Variants in FHIT observed in about 807,000 individuals in gnomAD.
The protein encoded by FHIT is fragile histidine triad diadenosine triphosphatase.
FHIT carries 19 observed loss-of-function variants against 17.9 expected under a neutral mutation model. The observed-to-expected ratio is 1.06, with a 90% confidence interval of 0.74 to 1.56. FHIT has a LOEUF of 1.56. FHIT is among the 40% of genes most tolerant of loss of function. The pLI is 0.00. For synonymous variants in FHIT, 81 were observed against 69.7 expected (o/e 1.16, Z -0.81); for missense variants, 248 against 189.2 (o/e 1.31, Z -1.82).
intron 4 of FHIT, among the ~76,000 whole-genome samples, chr3:60,613,694 T>C (rs1331533392): frequency 6.6e-6 from 1 of 152,080 alleles, no homozygotes; most frequent in African/African-American, 2.4e-5. Flanking sequence ...TACATTTCCC[T>C]TTTTCTCTCA....
At chr3:60,959,135 T>C (rs1709297746) in intron 3 of FHIT, among the ~76,000 whole-genome samples, 5 of 152,206 alleles carry the variant, frequency 3.3e-5, no homozygotes, top group African/African-American at 1.2e-4. Flanking sequence ...TTTATGATTA[T>C]TTAAAGGCTT....
intron 2 of FHIT, among the ~76,000 whole-genome samples, chr3:61,042,424 T>C (rs1029979395): frequency 6.6e-6 from 1 of 152,034 alleles, no homozygotes; most frequent in Non-Finnish European, 1.5e-5. Context: ...CGGAGGTAAG[T>C]TGGGGTATAA....
rs533721703 is a variant in FHIT, at chr3:61,069,162, G to C, written c.-163-27063C>G. Among the ~76,000 whole-genome samples, 9 of 152,238 alleles carry C rather than the reference G, an allele frequency of 5.9e-5. No individual in the cohort carries two copies. In the East Asian group the frequency reaches 1.3e-3, roughly 23 times the overall value. On this transcript the variant is annotated intron_variant, in intron 2 of 9. Transcript: ENST00000492590. ...GTCTGCTTTAAATCTCCAAGAAGGA[G>C]GGCAGAGTTCTTGAAAATGATAGCC...
chr3:60,658,017 C>G (rs1553690108), intron 4 of FHIT, among the ~76,000 whole-genome samples: 1 of 152,080 alleles, frequency 6.6e-6, no homozygotes, highest in African/African-American at 2.4e-5. Flanking sequence ...CATATTGTTA[C>G]AACCATCACC....
chr3:60,965,666 C>T (rs530366198), intron 3 of FHIT, among the ~76,000 whole-genome samples: 3 of 152,264 alleles, frequency 2.0e-5, no homozygotes, highest in African/African-American at 4.8e-5. Context: ...CAGTCAGGAC[C>T]CTGAGCTGCA....
At chr3:60,151,889 A>T (rs563723569) in intron 5 of FHIT, among the ~76,000 whole-genome samples, 29 of 152,286 alleles carry the variant, frequency 1.9e-4, no homozygotes, top group Non-Finnish European at 3.4e-4. Flanking sequence ...AGCACCTGCA[A>T]CTATATAATT....
chr3:60,842,531 C>T (rs1702756232), intron 3 of FHIT, among the ~76,000 whole-genome samples: 1 of 148,162 alleles, frequency 6.7e-6, no homozygotes, highest in Admixed American at 6.8e-5. Flanking sequence ...TTTAAAACAT[C>T]TTTGATATTC....
rs146620759 is a variant in FHIT, at chr3:60,539,320, C to T, written c.-17-2341G>A. Among the ~76,000 whole-genome samples, 942 of 152,188 alleles carry T rather than the reference C, an allele frequency of 6.2e-3. 10 individuals carry two copies. The highest frequency in any genetic ancestry group is 0.02 in the African/African-American group (826 of 41,524). On this transcript the variant is annotated intron_variant, in intron 4 of 9. Coordinates refer to ENST00000492590, the MANE Select transcript of FHIT (RefSeq NM_002012.4). The stretch of plus-strand genomic sequence containing the variant: ...AGGTGCTGGAGAGGATGTGGAGAAA[C>T]AGGAACACTTTTACACTGTTGCTGG...
rs545779868 is a variant in FHIT at position 60,714,882 on chromosome 3, G to A, written c.-18+107037C>T. Among the ~76,000 whole-genome samples, 22 of 152,320 alleles carry A rather than the reference G, an allele frequency of 1.4e-4. No individual in the cohort carries two copies. The East Asian group carries it at 4.0e-3, about 28-fold the overall frequency. ...GCCCAAGGTAATTTATAGATTCAAT[G>A]TCATCCCCATCAAGCTACCAATGTC... On this transcript the variant is annotated intron_variant, in intron 4 of 9. Coordinates refer to ENST00000492590, the MANE Select transcript of FHIT (RefSeq NM_002012.4).
At position 61,018,474 on chromosome 3, in the gene FHIT, T is replaced by C. The variant is rs116684784; in HGVS notation, c.-111+23573A>G. On this transcript the variant is annotated intron_variant, in intron 3 of 9. Transcript: ENST00000492590. ...TTTTAGTTTCTCTAAACAGTTATTC[T>C]AGTTTTCCTAAGTTTGACCCCAAAA... is the stretch of plus-strand genomic sequence containing the variant. Among the ~76,000 whole-genome samples, 1,434 of 152,332 alleles carry C rather than the reference T, an allele frequency of 9.4e-3. 17 individuals are homozygous for C. Among genetic ancestry groups the C allele is most frequent in the African/African-American group, 0.032 (1,318 of 41,568 alleles).
chr3:60,791,172 C>T (rs1170144002), intron 4 of FHIT, among the ~76,000 whole-genome samples: 5 of 152,002 alleles, frequency 3.3e-5, no homozygotes, highest in African/African-American at 9.7e-5. Flanking sequence ...GGCCCCTTAT[C>T]TTTCACCCCT....
At chr3:60,372,852 T>C (rs962900098) in intron 5 of FHIT, among the ~76,000 whole-genome samples, 1 of 152,178 alleles carries the variant, frequency 6.6e-6, no homozygotes, top group African/African-American at 2.4e-5. Context: ...TTTCTTTTGA[T>C]ATTGAGTTCA....
chr3:60,226,506 T>G (rs554689481), intron 5 of FHIT, among the ~76,000 whole-genome samples: 33 of 135,806 alleles, frequency 2.4e-4, no homozygotes, highest in African/African-American at 9.1e-4. Flanking sequence ...ACTGCCTGCC[T>G]GCACTATACT....
intron 5 of FHIT, among the ~76,000 whole-genome samples, chr3:60,389,200 C>A (rs1011146195): frequency 4.6e-5 from 7 of 152,104 alleles, no homozygotes; most frequent in Non-Finnish European, 8.8e-5. Flanking sequence ...CAGGCTTTAT[C>A]CCAGACTTGT....
intron 4 of FHIT, among the ~76,000 whole-genome samples, chr3:60,800,417 A>G (rs782532432): frequency 1.2e-4 from 19 of 152,146 alleles, no homozygotes; most frequent in Non-Finnish European, 2.1e-4. Context: ...CCCAAAACAT[A>G]TTGATATCAT....
intron 5 of FHIT, among the ~76,000 whole-genome samples, chr3:60,403,929 G>A (rs1369445405): frequency 6.6e-6 from 1 of 152,126 alleles, no homozygotes; most frequent in Non-Finnish European, 1.5e-5. Flanking sequence ...ATCCTTCATA[G>A]AGTGAAGGGA....
intron 8 of FHIT, among the ~76,000 whole-genome samples, chr3:59,797,786 G>T (rs916153550): frequency 4.6e-5 from 7 of 152,244 alleles, no homozygotes; most frequent in African/African-American, 1.7e-4. Context: ...AGTTCCGTTG[G>T]ATTTTTTCCG....
rs199738696 is a variant in FHIT, at chr3:60,206,987, A to AT, written c.104-192836dup. ...CCCACTAGACCCACCTCAAAAGGATATATGTGTGTGAAAACATACATACAC... is the reference window on the plus strand; with the variant it reads ...CCCACTAGACCCACCTCAAAAGGATATTATGTGTGTGAAAACATACATACAC... On this transcript the variant is annotated intron_variant, in intron 5 of 9. Coordinates refer to ENST00000492590, the MANE Select transcript of FHIT (RefSeq NM_002012.4). 5.3e-4 allele frequency among the ~76,000 whole-genome samples: 81 copies of AT among 152,298 alleles called. No homozygotes were observed. In the East Asian group the frequency reaches 0.014, roughly 26 times the overall value.
chr3:60,849,405 C>G (rs1703050718), intron 3 of FHIT, among the ~76,000 whole-genome samples: 1 of 145,104 alleles, frequency 6.9e-6, no homozygotes. Flanking sequence ...ATAAAATTGT[C>G]ATTTCCCTAC....
Sources: gnomAD v4.1 joint callset for allele counts (sites outside exome capture counted in the v4.1 genomes callset) on GRCh38, gnomAD v4.1.1 for gene constraint, MANE v1.5 for transcripts, NCBI Gene and HGNC (gene_info 2026-07-23, HGNC 2026-07-21) for gene names.